Variants in ENOX1 observed in about 807,000 individuals in gnomAD.
ENOX1 encodes the protein ecto-NOX disulfide-thiol exchanger 1.
Under a neutral mutation model 82.5 loss-of-function variants are expected in ENOX1, and 42 were observed. The ratio of observed to expected loss-of-function variants is 0.51; its 90% CI spans 0.40 to 0.66. The LOEUF is 0.66. Among genes scored for constraint, ENOX1 ranks in the 30% least tolerant of loss-of-function variants. ENOX1 has a pLI of 0.00. For synonymous variants in ENOX1, 271 were observed against 282.2 expected (o/e 0.96, Z 0.40); for missense variants, 608 against 811.6 (o/e 0.75, Z 3.05).
intron 2 of ENOX1, among the ~76,000 whole-genome samples, chr13:43,663,593 T>C (rs1376430021): frequency 6.6e-6 from 1 of 152,158 alleles, no homozygotes; most frequent in Non-Finnish European, 1.5e-5. Flanking sequence ...CAAAAATCAT[T>C]GCTTTCTCCC....
At chr13:43,437,176 T>C (rs2056081182) in intron 3 of ENOX1, among the ~76,000 whole-genome samples, 1 of 152,172 alleles carries the variant, frequency 6.6e-6, no homozygotes, top group Non-Finnish European at 1.5e-5. Flanking sequence ...TAACAATAAA[T>C]AGCAAAGATG....
intron 2 of ENOX1, among the ~76,000 whole-genome samples, chr13:43,609,146 CT>C (rs2082092880): frequency 6.6e-6 from 1 of 152,156 alleles, no homozygotes; most frequent in Non-Finnish European, 1.5e-5. Flanking sequence ...GTCTCTGTGT[CT>C]TTTTACGATC....
intron 1 of ENOX1, among the ~76,000 whole-genome samples, chr13:43,742,238 G>T (rs1211647538): frequency 2.0e-5 from 3 of 152,022 alleles, no homozygotes; most frequent in Non-Finnish European, 4.4e-5. Context: ...AGGCTGAGAA[G>T]TCCCATGATC....
chr13:43,322,665 A>G (rs1188993378), intron 10 of ENOX1, among the ~76,000 whole-genome samples, 164 bp from the exon 11 acceptor site: 4 of 152,192 alleles, frequency 2.6e-5, no homozygotes, highest in Admixed American at 6.5e-5. Flanking sequence ...GGTGTGGGGT[A>G]CAGGGGAGAC....
At chr13:43,765,171 G>A (rs1391965633) in intron 1 of ENOX1, among the ~76,000 whole-genome samples, 1 of 152,126 alleles carries the variant, frequency 6.6e-6, no homozygotes, top group South Asian at 2.1e-4. Context: ...CATATATAGA[G>A]GGTGCTAATG....
At chr13:43,638,846 T>C (rs1470160218) in intron 2 of ENOX1, among the ~76,000 whole-genome samples, 6 of 152,244 alleles carry the variant, frequency 3.9e-5, no homozygotes, top group Admixed American at 2.6e-4. Flanking sequence ...TTTTGATGGA[T>C]GGCATTACAT....
intron 1 of ENOX1, among the ~76,000 whole-genome samples, chr13:43,710,014 T>G (rs2087582562): frequency 6.6e-6 from 1 of 152,140 alleles, no homozygotes; most frequent in African/African-American, 2.4e-5. Flanking sequence ...GCATATGTGA[T>G]AAGAACACTG....
At chr13:43,644,689 C>A (rs2083812865) in intron 2 of ENOX1, among the ~76,000 whole-genome samples, 1 of 152,158 alleles carries the variant, frequency 6.6e-6, no homozygotes, top group African/African-American at 2.4e-5. Flanking sequence ...ATGTAGTAAT[C>A]ATTATATACA....
rs1364964710 is a variant in ENOX1, at chr13:43,470,355, TATATATATAC to T, written c.-75+13644_-75+13653del. 4.1e-3 allele frequency among the ~76,000 whole-genome samples: 234 copies of T among 56,516 alleles called. 12 individuals are homozygous for T. Among genetic ancestry groups the T allele is most frequent in the African/African-American group, 0.014 (193 of 14,228 alleles). 37.1% of individuals were successfully genotyped at this position (56,516 alleles called of 152,430 possible). A position where few individuals can be genotyped will look rare whatever the true frequency, so the allele number is the denominator to read the frequency against. On this transcript the variant is annotated intron_variant, in intron 3 of 16. Transcript: ENST00000690772. The stretch of plus-strand genomic sequence containing the variant: ...GTATATATATACGTATATATATATG[TATATATATAC>T]GTATATATATACATATATATACGTA...
At chr13:43,665,873 T>C (rs963402791) in intron 2 of ENOX1, among the ~76,000 whole-genome samples, 10 of 150,286 alleles carry the variant, frequency 6.7e-5, no homozygotes, top group Non-Finnish European at 1.3e-4. Flanking sequence ...ATGGCCTTTA[T>C]AGTCCTTGCC....
intron 8 of ENOX1, among the ~76,000 whole-genome samples, chr13:43,348,585 T>A (rs1041014073): frequency 6.6e-6 from 1 of 152,202 alleles, no homozygotes; most frequent in Non-Finnish European, 1.5e-5. Flanking sequence ...CTGAATAGCA[T>A]AATGAAATGT....
At chr13:43,752,929 G>A (rs926054099) in intron 1 of ENOX1, among the ~76,000 whole-genome samples, 18 of 151,372 alleles carry the variant, frequency 1.2e-4, no homozygotes, top group Non-Finnish European at 2.1e-4. Context: ...GTGCTATCTC[G>A]GCTCACTGCG....
At chr13:43,427,840 T>C (rs1351638827) in intron 3 of ENOX1, among the ~76,000 whole-genome samples, 1 of 152,214 alleles carries the variant, frequency 6.6e-6, no homozygotes, top group Non-Finnish European at 1.5e-5. Context: ...AGACCACTTA[T>C]TTATGTATTA....
chr13:43,536,511 A>ATAATTAC (rs1370416926), intron 2 of ENOX1, among the ~76,000 whole-genome samples: 2 of 151,926 alleles, frequency 1.3e-5, no homozygotes, highest in Non-Finnish European at 2.9e-5. Context: ...AGGACACAAG[A>ATAATTAC]TAATTACTTT....
chr13:43,325,762 T>C (rs1481464452), intron 10 of ENOX1, among the ~76,000 whole-genome samples: 1 of 152,184 alleles, frequency 6.6e-6, no homozygotes, highest in Non-Finnish European at 1.5e-5. Context: ...CACTACTCTG[T>C]GGAGTTAAAA....
At chr13:43,688,419 T>G (rs932414108) in intron 1 of ENOX1, among the ~76,000 whole-genome samples, 1 of 152,120 alleles carries the variant, frequency 6.6e-6, no homozygotes, top group Non-Finnish European at 1.5e-5. Context: ...GCCTTGGCAA[T>G]TGACCAGATG....
intron 2 of ENOX1, among the ~76,000 whole-genome samples, chr13:43,552,029 G>A (rs1341233115): frequency 1.3e-5 from 2 of 152,110 alleles, no homozygotes; most frequent in Non-Finnish European, 2.9e-5. Context: ...CCTGATGTCT[G>A]AGTCATCTCC....
At chr13:43,343,459 T>C (rs558838745) in intron 9 of ENOX1, among the ~76,000 whole-genome samples, 1 of 152,212 alleles carries the variant, frequency 6.6e-6, no homozygotes, top group Non-Finnish European at 1.5e-5. Context: ...GGATATTTGA[T>C]CACTTATCGG....
chr13:43,273,437 A>G (rs2044811715), intron 12 of ENOX1, among the ~76,000 whole-genome samples: 1 of 152,140 alleles, frequency 6.6e-6, no homozygotes, highest in Non-Finnish European at 1.5e-5. Flanking sequence ...CTAAACCACT[A>G]AACTCATCCT....
Sources: gnomAD v4.1 joint callset for allele counts (sites outside exome capture counted in the v4.1 genomes callset) on GRCh38, gnomAD v4.1.1 for gene constraint, MANE v1.5 for transcripts, NCBI Gene and HGNC (gene_info 2026-07-23, HGNC 2026-07-21) for gene names.